Variants in ITGAL observed in about 807,000 individuals in gnomAD.
ITGAL encodes integrin subunit alpha L, also known as integrin alpha-L.
Under a neutral mutation model 138.4 loss-of-function variants are expected in ITGAL, and 68 were observed. The ratio of observed to expected loss-of-function variants is 0.49; its 90% CI spans 0.40 to 0.60. ITGAL has a LOEUF of 0.60. Among genes scored for constraint, ITGAL ranks in the 20% least tolerant of loss-of-function variants. The probability of loss-of-function intolerance (pLI) is 0.00; values close to 1 mark genes in which losing one functional copy is unlikely to be tolerated. For missense variants in ITGAL, 1,256 were observed against 1,478.6 expected, an observed-to-expected ratio of 0.85 and a Z score of 2.47; for synonymous variants, 561 against 584.3, an observed-to-expected ratio of 0.96 and a Z score of 0.57.
In ITGAL at chr16:30,494,178, GT is replaced by G; in HGVS notation, c.1214-32del. On this transcript the variant is annotated intron_variant, in intron 11 of 30. Coordinates refer to ENST00000356798, the MANE Select transcript of ITGAL (RefSeq NM_002209.3). The surrounding 1 kb of genome is among the most constrained non-coding windows in gnomAD (Gnocchi z 4.2). ...GCTGGGTGTTCTTCCAGCATCCTGT[GT>G]TCCTAACTCCACACCCCACACACTT... 6.5e-7 allele frequency: 1 copy of G among 1,544,818 alleles called. No individual in the cohort carries two copies. The highest frequency in any genetic ancestry group is 1.2e-5 in the South Asian group (1 of 82,954).
Position 30,511,030 on chromosome 16 carries a change from T to G in ITGAL, c.2700-20T>G, listed in dbSNP as rs760723809. On this transcript the variant is annotated intron_variant, in intron 23 of 30. Transcript: ENST00000356798. Reference sequence around the variant, plus strand: ...CCAAGCCCTTCTCCTAACACTGGCCTCTTCCTTGCCCCAATGCAGTAACAA... The same window carrying G: ...CCAAGCCCTTCTCCTAACACTGGCCGCTTCCTTGCCCCAATGCAGTAACAA... 3 of 1,612,880 alleles carry G rather than the reference T, an allele frequency of 1.9e-6. No individual in the cohort carries two copies. In the South Asian group the frequency reaches 3.3e-5, roughly 18 times the overall value.
chr16:30,492,371 C>T (rs771626978), intron 11 of ITGAL, among the ~76,000 whole-genome samples: 15 of 151,600 alleles, frequency 9.9e-5, no homozygotes, highest in Non-Finnish European at 1.9e-4. Flanking sequence ...TTGCCTCAGC[C>T]TCCTGAGTAG....
intron 9 of ITGAL, among the ~76,000 whole-genome samples, chr16:30,485,371 C>T (rs1235938243): frequency 6.1e-5 from 9 of 148,068 alleles, no homozygotes; most frequent in East Asian, 4.1e-4. Context: ...GGACTACAGG[C>T]GCCAGCCACC....
chr16:30,492,246 C>A (rs1445776821), intron 11 of ITGAL, among the ~76,000 whole-genome samples: 1 of 107,726 alleles, frequency 9.3e-6, no homozygotes, highest in Non-Finnish European at 1.8e-5. Flanking sequence ...GACATGATAT[C>A]TTTTTTTTCT....
intron 9 of ITGAL, among the ~76,000 whole-genome samples, chr16:30,485,810 A>T (rs2050639833): frequency 6.6e-6 from 1 of 152,066 alleles, no homozygotes; most frequent in African/African-American, 2.4e-5. Context: ...CTAGGATTAC[A>T]GGCGTGAGCC....
chr16:30,504,287 G>T lies in ITGAL; in HGVS notation c.2235+23G>T, dbSNP rs1179851028. ...GCGGTAAGAAGAGATGGCTAGGGAT[G>T]GTGGGGAGTTTATCAGAGAAATCCA... On this transcript the variant is annotated intron_variant, in intron 18 of 30. Coordinates refer to ENST00000356798, the MANE Select transcript of ITGAL (RefSeq NM_002209.3). The T allele has an allele frequency of 1.9e-6, 3 of 1,565,416 alleles. No homozygotes were observed. In the Admixed American group the frequency reaches 5.0e-5, roughly 26 times the overall value.
At chr16:30,509,207 G>A (rs1291716078) in intron 21 of ITGAL, among the ~76,000 whole-genome samples, 3 of 151,124 alleles carry the variant, frequency 2.0e-5, no homozygotes, top group Non-Finnish European at 2.9e-5. Flanking sequence ...GAGAGAGAGA[G>A]AAAATAACTG....
At chr16:30,486,552 A>T (rs1389032158) in intron 9 of ITGAL, among the ~76,000 whole-genome samples, 2 of 152,216 alleles carry the variant, frequency 1.3e-5, no homozygotes, top group Non-Finnish European at 2.9e-5. Flanking sequence ...TTTTAAGCTG[A>T]GATATGAAAG....
At chr16:30,486,859 G>C (rs1199028412) in intron 9 of ITGAL, among the ~76,000 whole-genome samples, 2 of 152,078 alleles carry the variant, frequency 1.3e-5, no homozygotes, top group Admixed American at 1.3e-4. Context: ...GCAGTAGTGC[G>C]ATCACGGCTC....
chr16:30,512,335 C>A (rs1473302302), intron 24 of ITGAL, among the ~76,000 whole-genome samples: 1 of 152,044 alleles, frequency 6.6e-6, no homozygotes. Flanking sequence ...ACCTGTAATC[C>A]TAGTAATTTG....
intron 2 of ITGAL, 69 bp downstream of exon 2, chr16:30,474,367 T>C: frequency 9.2e-7 from 1 of 1,091,072 alleles, no homozygotes; most frequent in Non-Finnish European, 1.4e-6. Context: ...GGTGGCCGCC[T>C]CCCCGACCCT....
At position 30,496,129 on chromosome 16, in the gene ITGAL, G is replaced by C; in HGVS notation, c.1536G>C (p.Gly512=). 6.2e-7 allele frequency: 1 copy of C among 1,613,988 alleles called. No individual in the cohort carries two copies. The highest frequency in any genetic ancestry group is 8.5e-7 in the Non-Finnish European group (1 of 1,180,010). Residue 512 remains glycine, a synonymous_variant, in exon 14 of 31, where the codon GGG becomes GGC. Coordinates refer to ENST00000356798, the MANE Select transcript of ITGAL (RefSeq NM_002209.3). ...TTGAAGAAGTCTCAGAGCTGCAGGG[G>C]GACCCCGGCTACCCACTCGGGCGGT... ...LGFEEVSELQ[G]DPGYPLGRFG...
At chr16:30,509,190 A>AG (rs1355411268) in intron 21 of ITGAL, among the ~76,000 whole-genome samples, 2 of 151,646 alleles carry the variant, frequency 1.3e-5, no homozygotes, top group African/African-American at 2.4e-5. Context: ...AAAAAAAAAA[A>AG]AAGAGAGAGA....
intron 26 of ITGAL, 50 bp from the exon 27 acceptor site, chr16:30,517,599 C>CT: frequency 6.6e-7 from 1 of 1,520,962 alleles, no homozygotes. Flanking sequence ...ATGCCAGTGT[C>CT]TTATCTGGGT....
chr16:30,481,076 T>A, intron 6 of ITGAL: 1 of 223,034 alleles, frequency 4.5e-6, no homozygotes, highest in Non-Finnish European at 8.8e-6. Flanking sequence ...CTGAGGCAGG[T>A]GGATCACCTG....
chr16:30,490,412 T>C (rs902192201), intron 11 of ITGAL, among the ~76,000 whole-genome samples: 12 of 152,050 alleles, frequency 7.9e-5, no homozygotes, highest in African/African-American at 2.7e-4. Context: ...GCCAAAATTA[T>C]TCAAACTGTG....
At chr16:30,474,505 G>A in intron 2 of ITGAL, 1 of 571,584 alleles carries the variant, frequency 1.7e-6, no homozygotes, top group Non-Finnish European at 3.2e-6. Flanking sequence ...GGGAGGCCAT[G>A]GAAGTGCAGA....
rs763336839 is a variant in ITGAL at position 30,489,168 on chromosome 16, C to A, written c.1080+13C>A. 2.2e-5 allele frequency: 35 copies of A among 1,613,778 alleles called. No homozygotes were observed. The East Asian group carries it at 7.6e-4, about 35-fold the overall frequency. ...TGACCTCAGCAGGGTGCGTGCTGGG[C>A]TGGAGCAATGGGCTGCAGGGAGTGC... On this transcript the variant is annotated intron_variant, in intron 10 of 30. Transcript: ENST00000356798.
At chr16:30,513,730 T>C in intron 24 of ITGAL, 41 bp from the exon 25 acceptor site, 1 of 1,524,280 alleles carries the variant, frequency 6.6e-7, no homozygotes, top group Non-Finnish European at 9.1e-7. Context: ...CCCGGGTTGC[T>C]GTCACTTCGT....
Sources: allele counts gnomAD v4.1 joint callset (sites outside exome capture counted in the v4.1 genomes callset), GRCh38; gene constraint gnomAD v4.1.1; non-coding constraint Gnocchi (gnomAD v3.1); transcripts MANE v1.5; gene names NCBI Gene and HGNC (gene_info 2026-07-23, HGNC 2026-07-21).